KIF26B: variants seen among roughly 807,000 people sequenced by gnomAD.
KIF26B encodes kinesin family member 26B.
KIF26B carries 63 observed loss-of-function variants against 151.2 expected under a neutral mutation model. That is an observed-to-expected ratio of 0.42 (90% CI 0.34 to 0.51). KIF26B has a LOEUF of 0.51. Among genes scored for constraint, KIF26B ranks in the 20% least tolerant of loss-of-function variants. KIF26B has a pLI of 0.07. For synonymous variants in KIF26B, 1,357 were observed against 1,262.1 expected (o/e 1.08, Z -1.59); for missense variants, 2,813 against 2,913.6 (o/e 0.97, Z 0.79).
At chr1:245,466,739 A>C (rs1659799666) in intron 4 of KIF26B, among the ~76,000 whole-genome samples, 1 of 152,164 alleles carries the variant, frequency 6.6e-6, no homozygotes, top group African/African-American at 2.4e-5. Flanking sequence ...CAGCCTGGCC[A>C]ACATGGTGAA....
chr1:245,609,923 G>A (rs2043500491), intron 8 of KIF26B, among the ~76,000 whole-genome samples: 1 of 152,308 alleles, frequency 6.6e-6, no homozygotes, highest in South Asian at 2.1e-4. Context: ...TCTGGCACTG[G>A]TTTACAGCCG....
chr1:245,477,813 C>G (rs1278640199), intron 4 of KIF26B, among the ~76,000 whole-genome samples: 1 of 151,734 alleles, frequency 6.6e-6, no homozygotes, highest in Admixed American at 6.6e-5. Flanking sequence ...TCTATAGGGC[C>G]TAGGAGGCCA....
chr1:245,554,450 C>T (rs1336498126), intron 5 of KIF26B, among the ~76,000 whole-genome samples: 2 of 152,184 alleles, frequency 1.3e-5, no homozygotes, highest in Non-Finnish European at 2.9e-5. Flanking sequence ...ACAGGTATTA[C>T]GTATCTTCTA....
At chr1:245,542,378 G>A (rs1484701838) in intron 5 of KIF26B, among the ~76,000 whole-genome samples, 1 of 152,242 alleles carries the variant, frequency 6.6e-6, no homozygotes, top group Non-Finnish European at 1.5e-5. Flanking sequence ...ACAGAGCAGT[G>A]CCTCCTCTGA....
intron 12 of KIF26B, among the ~76,000 whole-genome samples, chr1:245,696,340 A>G (rs149074427): frequency 0.012 from 1,821 of 152,316 alleles, 37 homozygotes; most frequent in Non-Finnish European, 0.013. Context: ...TCCTGCCATG[A>G]TGACATGAGT....
chr1:245,586,902 A>G (rs1441613387), intron 5 of KIF26B, among the ~76,000 whole-genome samples: 1 of 151,692 alleles, frequency 6.6e-6, no homozygotes, highest in Non-Finnish European at 1.5e-5. Context: ...CAAAAAAAAA[A>G]AAAAAAACAT....
chr1:245,470,461 C>G (rs1233978940), intron 4 of KIF26B, among the ~76,000 whole-genome samples: 1 of 145,954 alleles, frequency 6.9e-6, no homozygotes, highest in African/African-American at 2.5e-5. Flanking sequence ...GATGGAGTCT[C>G]ACTCTGTCGC....
Position 245,602,887 on chromosome 1 carries a change from T to C in KIF26B, c.1557+104T>C. The C allele has an allele frequency of 9.9e-7, 1 of 1,012,528 alleles. No individual in the cohort carries two copies. The highest frequency in any genetic ancestry group is 1.5e-6 in the Non-Finnish European group (1 of 649,088). The allele number at this position is 1,012,528 out of a possible 1,614,324, so 62.7% of individuals were successfully genotyped here. A position where few individuals can be genotyped will look rare whatever the true frequency, so the allele number is the denominator to read the frequency against. On this transcript the variant is annotated intron_variant, in intron 6 of 14. Transcript: ENST00000407071. The surrounding 1 kb of genome is among the most constrained non-coding windows in gnomAD (Gnocchi z 4.5). Reference sequence around the variant, plus strand: ...TGGGAGGGTGTCTTCTGGAGCATTCTGATGGACCAGTTCCTTCAGGAGTCA... The same window carrying C: ...TGGGAGGGTGTCTTCTGGAGCATTCCGATGGACCAGTTCCTTCAGGAGTCA...
chr1:245,177,183 G>A (rs1173576608), intron 2 of KIF26B, among the ~76,000 whole-genome samples: 1 of 152,124 alleles, frequency 6.6e-6, no homozygotes, highest in Non-Finnish European at 1.5e-5. Flanking sequence ...TCAGATGCCT[G>A]GCCTCACGCC....
intron 2 of KIF26B, among the ~76,000 whole-genome samples, chr1:245,317,197 C>T (rs1280440619): frequency 6.6e-6 from 1 of 152,232 alleles, no homozygotes; most frequent in Non-Finnish European, 1.5e-5. Flanking sequence ...ATTTAGTTCT[C>T]TTCCCGGTAG....
At chr1:245,232,233 G>A (rs1053563545) in intron 2 of KIF26B, among the ~76,000 whole-genome samples, 3 of 152,180 alleles carry the variant, frequency 2.0e-5, no homozygotes, top group African/African-American at 7.2e-5. Context: ...CGCCAAATTT[G>A]TAAAGCAAGA....
chr1:245,520,114 T>TGAGAGA (rs10650644), intron 4 of KIF26B, among the ~76,000 whole-genome samples: 7,304 of 132,390 alleles, frequency 0.055, 292 homozygotes, highest in African/African-American at 0.1. Flanking sequence ...CTCAACTAAC[T>TGAGAGA]GAGAGAGAGA....
intron 4 of KIF26B, among the ~76,000 whole-genome samples, chr1:245,499,428 G>A (rs1052407246): frequency 1.4e-4 from 21 of 152,212 alleles, no homozygotes; most frequent in African/African-American, 4.8e-4. Flanking sequence ...TAAGGGTGGA[G>A]TCCCTAATTC....
chr1:245,535,785 C>T (rs1661476221), intron 4 of KIF26B, among the ~76,000 whole-genome samples: 1 of 152,188 alleles, frequency 6.6e-6, no homozygotes, highest in Admixed American at 6.5e-5. Context: ...ACACATAGGC[C>T]TAGATTCAGC....
chr1:245,653,086 G>C (rs2044037307), intron 10 of KIF26B, among the ~76,000 whole-genome samples: 1 of 152,198 alleles, frequency 6.6e-6, no homozygotes, highest in South Asian at 2.1e-4. Flanking sequence ...AGTAGGAAAG[G>C]GTAGACAGCC....
Position 245,646,278 on chromosome 1 carries a change from C to A in KIF26B, c.2256C>A (p.Tyr752Ter). 6.2e-7 allele frequency: 1 copy of A among 1,613,500 alleles called. No homozygotes were observed. The highest frequency in any genetic ancestry group is 1.1e-5 in the South Asian group (1 of 90,912). ...TCAATGGCAGCAAACACATTCCATA[C>A]AAGTAAGTGACTCTTCTACTCAAAG... is the stretch of plus-strand genomic sequence containing the variant. ...ALVNGSKHIPYKESKLAMLLR... is the reference protein window; with the variant it reads ...ALVNGSKHIP The change falls in exon 10 of 15, where the codon TAC becomes TAA. Residue 752 changes from tyrosine (Y) to a stop codon, truncating the protein, a stop_gained and splice_region_variant. Coordinates refer to ENST00000407071, the MANE Select transcript of KIF26B (RefSeq NM_018012.4). LOFTEE classifies it high-confidence loss of function.
chr1:245,507,936 C>A (rs559473147), intron 4 of KIF26B, among the ~76,000 whole-genome samples: 29 of 152,208 alleles, frequency 1.9e-4, no homozygotes, highest in African/African-American at 2.6e-4. Flanking sequence ...GTTTAGTGAC[C>A]ATTTTCATAC....
intron 2 of KIF26B, among the ~76,000 whole-genome samples, chr1:245,191,375 T>C (rs1405787278): frequency 6.6e-6 from 1 of 151,988 alleles, no homozygotes; most frequent in Non-Finnish European, 1.5e-5. Flanking sequence ...CTCGGGAGGC[T>C]GAGGCAGGAG....
chr1:245,668,363 C>T (rs1265475621), intron 10 of KIF26B, among the ~76,000 whole-genome samples: 1 of 152,330 alleles, frequency 6.6e-6, no homozygotes, highest in East Asian at 1.9e-4. Context: ...AATTGTGCAA[C>T]AATAGCTACC....
Sources: allele counts gnomAD v4.1 joint callset (sites outside exome capture counted in the v4.1 genomes callset), GRCh38; gene constraint gnomAD v4.1.1; non-coding constraint Gnocchi (gnomAD v3.1); transcripts MANE v1.5; gene names NCBI Gene and HGNC (gene_info 2026-07-23, HGNC 2026-07-21).